The following MYO3B variants were observed in gnomAD, a reference collection of about 807,000 sequenced individuals.
MYO3B encodes the protein myosin IIIB, also known as myosin-IIIb.
MYO3B carries 156 observed loss-of-function variants against 174.6 expected under a neutral mutation model. The observed-to-expected ratio is 0.89, with a 90% confidence interval of 0.78 to 1.02. The LOEUF (loss-of-function observed/expected upper bound fraction) is 1.02. Among genes scored for constraint, MYO3B ranks in the 50% least tolerant of loss-of-function variants. The probability of loss-of-function intolerance (pLI) is 0.00; values close to 1 mark genes in which losing one functional copy is unlikely to be tolerated. For synonymous variants in MYO3B, 563 were observed against 569.1 expected, an observed-to-expected ratio of 0.99 and a Z score of 0.15; for missense variants, 1,632 against 1,639.4, an observed-to-expected ratio of 1.00 and a Z score of 0.08.
chr2:170,266,513 T>A (rs1574682241), intron 7 of MYO3B, among the ~76,000 whole-genome samples: 1 of 152,334 alleles, frequency 6.6e-6, no homozygotes, highest in Middle Eastern at 3.4e-3. Context: ...GATCTATTTC[T>A]TAACAGTTTT....
At chr2:170,288,238 T>G (rs1365322926) in intron 7 of MYO3B, among the ~76,000 whole-genome samples, 1 of 151,910 alleles carries the variant, frequency 6.6e-6, no homozygotes, top group Non-Finnish European at 1.5e-5. Flanking sequence ...TTTTAGGTTT[T>G]TTTTTTTTCT....
intron 6 of MYO3B, among the ~76,000 whole-genome samples, chr2:170,232,008 C>T (rs1266371425): frequency 6.6e-6 from 1 of 152,192 alleles, no homozygotes; most frequent in Non-Finnish European, 1.5e-5. Context: ...AACACCGTCT[C>T]ATTTCTCTCC....
chr2:170,550,255 A>G (rs1690791267), intron 32 of MYO3B, among the ~76,000 whole-genome samples: 1 of 152,224 alleles, frequency 6.6e-6, no homozygotes, highest in Non-Finnish European at 1.5e-5. Context: ...CAAAGGAATT[A>G]CAGGTATAGA....
At chr2:170,621,041 A>G (rs1695870966) in intron 32 of MYO3B, among the ~76,000 whole-genome samples, 1 of 151,956 alleles carries the variant, frequency 6.6e-6, no homozygotes, top group African/African-American at 2.4e-5. Context: ...GGCACCCGCC[A>G]CTGTGCCTGG....
At chr2:170,248,957 T>C (rs1352166589) in intron 7 of MYO3B, among the ~76,000 whole-genome samples, 1 of 152,258 alleles carries the variant, frequency 6.6e-6, no homozygotes, top group East Asian at 1.9e-4. Flanking sequence ...CCTTATGTAC[T>C]CATAGCCATT....
At chr2:170,442,242 A>C (rs2094806091) in intron 22 of MYO3B, among the ~76,000 whole-genome samples, 1 of 152,204 alleles carries the variant, frequency 6.6e-6, no homozygotes. Context: ...TCCTATCAGC[A>C]ATGAAGGTTC....
At chr2:170,541,970 A>G (rs1341090393) in intron 30 of MYO3B, among the ~76,000 whole-genome samples, 1 of 152,250 alleles carries the variant, frequency 6.6e-6, no homozygotes, top group Non-Finnish European at 1.5e-5. Flanking sequence ...TTGTCAGCTT[A>G]AGTAAAGAAT....
At chr2:170,368,798 A>AT (rs2094217548) in intron 8 of MYO3B, among the ~76,000 whole-genome samples, 1 of 152,146 alleles carries the variant, frequency 6.6e-6, no homozygotes, top group Non-Finnish European at 1.5e-5. Context: ...AACAAGGGGC[A>AT]TTTCATATAT....
intron 32 of MYO3B, among the ~76,000 whole-genome samples, chr2:170,597,199 C>T (rs942253149): frequency 3.0e-4 from 45 of 152,004 alleles, no homozygotes; most frequent in African/African-American, 8.2e-4. Flanking sequence ...GGTGAAACCT[C>T]GGCTCTACTA....
intron 7 of MYO3B, among the ~76,000 whole-genome samples, chr2:170,263,215 G>A (rs1014800544): frequency 1.8e-4 from 27 of 152,106 alleles, no homozygotes; most frequent in Non-Finnish European, 3.2e-4. Context: ...TTTCTCCTCC[G>A]CATAGTGAGT....
intron 8 of MYO3B, among the ~76,000 whole-genome samples, chr2:170,367,583 C>T (rs2094208389): frequency 6.6e-6 from 1 of 152,106 alleles, no homozygotes; most frequent in Non-Finnish European, 1.5e-5. Context: ...AGGACTGGGC[C>T]ATACACCTAT....
chr2:170,392,332 C>G (rs755028050), intron 15 of MYO3B, 49 bp from the exon 16 acceptor site: 2 of 1,353,300 alleles, frequency 1.5e-6, no homozygotes, highest in Non-Finnish European at 2.0e-6. Flanking sequence ...GCCTGTACTA[C>G]TTTCCAAGTC....
intron 29 of MYO3B, among the ~76,000 whole-genome samples, chr2:170,518,309 A>G (rs1383115092): frequency 1.3e-5 from 2 of 152,218 alleles, no homozygotes; most frequent in East Asian, 3.8e-4. Flanking sequence ...TGCATCTTCC[A>G]CAGTAAGTCA....
At chr2:170,626,076 G>A (rs1211000241) in intron 32 of MYO3B, among the ~76,000 whole-genome samples, 1 of 152,142 alleles carries the variant, frequency 6.6e-6, no homozygotes, top group East Asian at 1.9e-4. Context: ...ATGTCTGCTT[G>A]GAGCAGAGCT....
At chr2:170,641,684 G>C (rs947279277) in intron 32 of MYO3B, among the ~76,000 whole-genome samples, 1 of 152,124 alleles carries the variant, frequency 6.6e-6, no homozygotes, top group Non-Finnish European at 1.5e-5. Context: ...TGTCTCAGCA[G>C]TTACTACTAT....
At chr2:170,642,623 A>G (rs1053691535) in intron 32 of MYO3B, among the ~76,000 whole-genome samples, 2 of 152,186 alleles carry the variant, frequency 1.3e-5, no homozygotes, top group Non-Finnish European at 2.9e-5. Context: ...AAGCATCATA[A>G]TAGAGGCCAT....
chr2:170,438,982 A>G (rs1241838065), intron 22 of MYO3B, among the ~76,000 whole-genome samples: 1 of 151,726 alleles, frequency 6.6e-6, no homozygotes, highest in Admixed American at 6.6e-5. Flanking sequence ...TCATTTCCCT[A>G]ATGTTTAGTG....
intron 6 of MYO3B, among the ~76,000 whole-genome samples, chr2:170,225,987 T>C (rs1464688783): frequency 6.6e-6 from 1 of 152,216 alleles, no homozygotes; most frequent in Non-Finnish European, 1.5e-5. Flanking sequence ...TTTAAGGTCC[T>C]GTCTATTTTA....
At chr2:170,582,133 C>G (rs1693190619) in intron 32 of MYO3B, among the ~76,000 whole-genome samples, 1 of 152,182 alleles carries the variant, frequency 6.6e-6, no homozygotes, top group Non-Finnish European at 1.5e-5. Flanking sequence ...TGCAACATAA[C>G]TTCGTGAAGA....
Sources: allele counts gnomAD v4.1 joint callset (sites outside exome capture counted in the v4.1 genomes callset), GRCh38; gene constraint gnomAD v4.1.1; transcripts MANE v1.5; gene names NCBI Gene and HGNC (gene_info 2026-07-23, HGNC 2026-07-21).